Variants in RP1 observed in about 807,000 individuals in gnomAD.
RP1 encodes the protein oxygen-regulated protein 1.
RP1 carries 16 observed loss-of-function variants against 14.8 expected under a neutral mutation model. That is an observed-to-expected ratio of 1.08 (90% CI 0.73 to 1.65). RP1 has a LOEUF of 1.65. Among genes scored for constraint, RP1 ranks in the 40% most tolerant of loss-of-function variants. The pLI is 0.00. For synonymous variants in RP1, 876 were observed against 883.6 expected (o/e 0.99, Z 0.15); for missense variants, 2,631 against 2,535.0 (o/e 1.04, Z -0.81).
intron 24 of RP1, among the ~76,000 whole-genome samples, chr8:54,814,360 A>G (rs1811084161): frequency 6.6e-6 from 1 of 152,244 alleles, no homozygotes; most frequent in Non-Finnish European, 1.5e-5. Flanking sequence ...AAAGTAAAAA[A>G]TGAACAAAAA....
intron 22 of RP1, among the ~76,000 whole-genome samples, chr8:54,764,213 A>T: frequency 6.6e-6 from 1 of 152,198 alleles, no homozygotes; most frequent in East Asian, 1.9e-4. Context: ...CCTTGAGATC[A>T]CACTCTGGGG....
chr8:54,854,562 C>T (rs1240520723), intron 26 of RP1, among the ~76,000 whole-genome samples: 1 of 152,122 alleles, frequency 6.6e-6, no homozygotes, highest in African/African-American at 2.4e-5. Context: ...TTGATTAGGA[C>T]TTTAAAAGTG....
chr8:54,573,001 T>TA (rs34182475), intron 1 of RP1, among the ~76,000 whole-genome samples: 29,856 of 152,112 alleles, frequency 0.2, 3,368 homozygotes, highest in East Asian at 0.36. Context: ...AATCTTGGCA[T>TA]AAAAAATCTT....
chr8:54,761,855 T>G (rs1467655721), intron 22 of RP1, among the ~76,000 whole-genome samples: 1 of 152,208 alleles, frequency 6.6e-6, no homozygotes, highest in East Asian at 1.9e-4. Flanking sequence ...TCCTACTTCC[T>G]TAATTCTTAA....
intron 23 of RP1, among the ~76,000 whole-genome samples, chr8:54,777,588 A>T (rs1810074041): frequency 1.3e-5 from 2 of 152,202 alleles, no homozygotes; most frequent in Non-Finnish European, 2.9e-5. Context: ...CTTTACATGT[A>T]TAATAGGATT....
At chr8:54,711,571 G>A (rs867041863) in intron 15 of RP1, among the ~76,000 whole-genome samples, 1 of 152,262 alleles carries the variant, frequency 6.6e-6, no homozygotes, top group Admixed American at 6.5e-5. Flanking sequence ...AAGGCTGAGC[G>A]AGCGCTCTTA....
intron 24 of RP1, among the ~76,000 whole-genome samples, chr8:54,788,095 A>G (rs981052355): frequency 2.6e-5 from 4 of 152,118 alleles, no homozygotes; most frequent in African/African-American, 4.8e-5. Flanking sequence ...AGACTTCCTG[A>G]TAGGATGGGG....
chr8:54,665,695 G>A (rs1159883918), intron 7 of RP1, among the ~76,000 whole-genome samples: 1 of 152,128 alleles, frequency 6.6e-6, no homozygotes, highest in Non-Finnish European at 1.5e-5. Context: ...AGTTTCATCA[G>A]TTCTTAGAGA....
chr8:54,788,048 T>C (rs1450681931), intron 24 of RP1, among the ~76,000 whole-genome samples: 4 of 152,216 alleles, frequency 2.6e-5, no homozygotes, highest in Non-Finnish European at 5.9e-5. Context: ...TTATGCTCTT[T>C]AGGCTGACTC....
At chr8:54,795,939 C>G (rs1810566444) in intron 24 of RP1, among the ~76,000 whole-genome samples, 1 of 152,170 alleles carries the variant, frequency 6.6e-6, no homozygotes, top group South Asian at 2.1e-4. Context: ...ATACTCATTC[C>G]TTTACCTCTT....
intron 1 of RP1, among the ~76,000 whole-genome samples, chr8:54,589,197 C>T (rs1804992796): frequency 6.6e-6 from 1 of 152,100 alleles, no homozygotes; most frequent in Non-Finnish European, 1.5e-5. Context: ...CTTTAAAGTC[C>T]ACTGCTTTAT....
At chr8:54,856,942 C>A (rs1172611136) in intron 26 of RP1, 1 of 375,964 alleles carries the variant, frequency 2.7e-6, no homozygotes, top group Non-Finnish European at 4.5e-6. Flanking sequence ...AGTATAGTAA[C>A]AATATAGTAT....
chr8:54,577,979 G>C (rs943091408), intron 1 of RP1, among the ~76,000 whole-genome samples: 2 of 151,774 alleles, frequency 1.3e-5, no homozygotes, highest in African/African-American at 4.8e-5. Flanking sequence ...TTAAGTTTTA[G>C]GGTACATGTG....
At position 54,626,720 on chromosome 8, in the gene RP1, T is replaced by C. The variant is rs1387617239; in HGVS notation, c.2838T>C (p.Asn946=). The C allele has an allele frequency of 1.2e-6, 2 of 1,613,994 alleles. No individual in the cohort carries two copies. Among genetic ancestry groups the C allele is most frequent in the Admixed American group, 1.7e-5 (1 of 60,022 alleles). The change falls in exon 4 of 4, where the codon AAT becomes AAC. Residue 946 remains asparagine (N), a synonymous_variant. Transcript: ENST00000220676. The stretch of plus-strand genomic sequence containing the variant: ...GTAGAAATGAAACGAGTGTGGTAAA[T>C]TGTAGCAATAATAGTTTTTCAGGGA... ...PVCRNETSVV[N]CSNNSFSGND...
At chr8:54,710,255 G>A (rs1424260831) in intron 15 of RP1, among the ~76,000 whole-genome samples, 2 of 152,212 alleles carry the variant, frequency 1.3e-5, no homozygotes, top group Non-Finnish European at 1.5e-5. Context: ...CTTCATGGGA[G>A]GGAGCACGCG....
chr8:54,698,292 A>G (rs1217623905), intron 12 of RP1, among the ~76,000 whole-genome samples: 1 of 152,258 alleles, frequency 6.6e-6, no homozygotes, highest in East Asian at 1.9e-4. Flanking sequence ...AAAAATGCTC[A>G]TCATCACTGG....
At position 54,853,881 on chromosome 8, in the gene RP1, GA is replaced by G. The variant is rs200899799; in HGVS notation, c.3990+1160del. 5.5e-4 allele frequency among the ~76,000 whole-genome samples: 41 copies of G among 73,940 alleles called. No homozygotes were observed. In the East Asian group the frequency reaches 6.3e-3, roughly 11 times the overall value. The allele number at this position is 73,940 out of a possible 152,430, so 48.5% of individuals were successfully genotyped here. A position where few individuals can be genotyped will look rare whatever the true frequency, so the allele number is the denominator to read the frequency against. On this transcript the variant is annotated intron_variant, in intron 26 of 28. Transcript: ENST00000637698. ...GAGAAAGAAAGAAAAGAAAAAGAAA[GA>G]AAAAAAGAAAAAAGAAGGAAAGAAA...
chr8:54,725,858 A>G (rs990013824), intron 16 of RP1, among the ~76,000 whole-genome samples: 10 of 152,148 alleles, frequency 6.6e-5, no homozygotes, highest in Admixed American at 2.6e-4. Context: ...TCTAAACAAG[A>G]CTCCAAAACA....
chr8:54,801,964 G>A (rs1307804751), intron 24 of RP1, among the ~76,000 whole-genome samples: 2 of 152,106 alleles, frequency 1.3e-5, no homozygotes, highest in African/African-American at 4.8e-5. Context: ...CTACATCTCT[G>A]AGCTCACGCT....
Sources: gnomAD v4.1 joint callset for allele counts (sites outside exome capture counted in the v4.1 genomes callset) on GRCh38, gnomAD v4.1.1 for gene constraint, MANE v1.5 for transcripts, NCBI Gene and HGNC (gene_info 2026-07-23, HGNC 2026-07-21) for gene names.